Variants in HEPH observed in about 807,000 individuals in gnomAD.
The protein encoded by HEPH is hephaestin.
In HEPH, 69 loss-of-function variants were observed where a neutral mutation model predicts 80.8. The observed-to-expected ratio is 0.85, with a 90% CI of 0.70 to 1.04. The LOEUF (loss-of-function observed/expected upper bound fraction) is 1.04, where lower values mean the gene tolerates loss of function less well. Ranked by LOEUF, HEPH falls within the 50% of genes least tolerant of loss-of-function variation. The pLI, the probability that HEPH is intolerant of heterozygous loss-of-function variation, is 0.00. For missense variants in HEPH, 1,115 were observed against 891.3 expected, an observed-to-expected ratio of 1.25 and a Z score of -3.20; for synonymous variants, 431 against 322.8, an observed-to-expected ratio of 1.34 and a Z score of -3.60.
At chrX:66,253,351 A>G (rs369793736) in intron 15 of HEPH, among the ~76,000 whole-genome samples, 2 of 112,560 alleles carry the variant, frequency 1.8e-5, no homozygotes, top group South Asian at 3.6e-4. Context: ...TAAGCACAAG[A>G]GAAGATTCTC....
At chrX:66,177,571 C>T (rs952406929) in intron 4 of HEPH, among the ~76,000 whole-genome samples, 4 of 111,586 alleles carry the variant, frequency 3.6e-5, no homozygotes, top group Non-Finnish European at 5.7e-5. Flanking sequence ...AATATCTTAA[C>T]GTTTCATTTC....
At chrX:66,180,770 A>G (rs1434146670) in intron 4 of HEPH, among the ~76,000 whole-genome samples, 1 of 89,900 alleles carries the variant, frequency 1.1e-5, no homozygotes, top group African/African-American at 4.1e-5. Context: ...ATATGTATAC[A>G]TGTGCCATGC....
chrX:66,213,750 A>G (rs900962245), intron 15 of HEPH, among the ~76,000 whole-genome samples: 2 of 111,998 alleles, frequency 1.8e-5, no homozygotes, highest in African/African-American at 6.5e-5. Flanking sequence ...AGATGAAGTT[A>G]CAATAATTAA....
intron 19 of HEPH, among the ~76,000 whole-genome samples, chrX:66,261,622 G>A (rs1169232086): frequency 1.8e-5 from 2 of 109,393 alleles, no homozygotes; most frequent in Admixed American, 2.0e-4. Context: ...TCAGTCATTG[G>A]CATTCTATCA....
chrX:66,239,361 A>G (rs1311605437), intron 15 of HEPH, among the ~76,000 whole-genome samples: 5 of 111,408 alleles, frequency 4.5e-5, no homozygotes, highest in Non-Finnish European at 9.4e-5. Context: ...TCTTCCTTCC[A>G]TCTATTCTCA....
chrX:66,229,054 T>C (rs1314112569), intron 15 of HEPH, among the ~76,000 whole-genome samples: 1 of 112,065 alleles, frequency 8.9e-6, no homozygotes, highest in Non-Finnish European at 1.9e-5. Context: ...AAAGAAGTCA[T>C]TATACGAAAA....
intron 1 of HEPH, among the ~76,000 whole-genome samples, chrX:66,167,574 C>T (rs1412382186): frequency 8.9e-6 from 1 of 112,159 alleles, no homozygotes; most frequent in Non-Finnish European, 1.9e-5. Flanking sequence ...TTGGAATGAA[C>T]CGAGGACACT....
chrX:66,193,503 A>G lies in HEPH; in HGVS notation c.1234A>G (p.Ile412Val), dbSNP rs2087921852. 1.7e-6 allele frequency: 2 copies of G among 1,172,261 alleles called. No individual in the cohort carries two copies. The highest frequency in any genetic ancestry group is 2.3e-6 in the Non-Finnish European group (2 of 869,161). The change falls in exon 8 of 21, where the codon ATC becomes GTC. Residue 412 changes from isoleucine to valine, a missense_variant and splice_region_variant. By Grantham distance (29) the Ile-to-Val change is conservative. Around this residue, in one of 3 missense-constraint regions of HEPH, gnomAD observed 391 missense variants for 343.6 expected, o/e 1.14. Transcript: ENST00000343002. ...TGKNLREPGS[I>V]SDKFFQKSSS... ...CATATTTTCCTTTTTATACATCAGT[A>G]TCTCAGATAAGTTTTTCCAGAAGAG...
intron 12 of HEPH, among the ~76,000 whole-genome samples, chrX:66,202,259 A>T (rs755100511): frequency 9.0e-6 from 1 of 111,474 alleles, no homozygotes; most frequent in Non-Finnish European, 1.9e-5. Context: ...TGTGAGAGAA[A>T]CAGTCAGAGT....
At chrX:66,198,784 A>G in intron 10 of HEPH, 94 bp from the exon 11 acceptor site, 1 of 676,333 alleles carries the variant, frequency 1.5e-6, no homozygotes, top group Non-Finnish European at 2.3e-6. Flanking sequence ...GGAAATGGGA[A>G]AGAATCTGGC....
At chrX:66,234,500 C>T (rs1444650160) in intron 15 of HEPH, among the ~76,000 whole-genome samples, 1 of 111,227 alleles carries the variant, frequency 9.0e-6, no homozygotes, top group African/African-American at 3.3e-5. Context: ...ATACTGTTTT[C>T]CACCATGGTT....
At position 66,256,254 on chromosome X, in the gene HEPH, G is replaced by A. The variant is rs777407331; in HGVS notation, c.2820G>A (p.Val940=). 2 of 1,210,995 alleles carry A rather than the reference G, an allele frequency of 1.7e-6. No homozygotes were observed. Among genetic ancestry groups the A allele is most frequent in the East Asian group, 3.0e-5 (1 of 33,782 alleles). Residue 940 remains valine, a synonymous_variant, in exon 17 of 21, where the codon GTG becomes GTA. Transcript: ENST00000343002. Reference sequence around the variant, plus strand: ...AGTCTTGGTATTTGGAGGAAAATGTGGCAACCCATGGGTCCCAGGATCCAG... The same window carrying A: ...AGTCTTGGTATTTGGAGGAAAATGTAGCAACCCATGGGTCCCAGGATCCAG... ...ENKSWYLEEN[V]ATHGSQDPGS...
At chrX:66,237,307 C>CTGTAATG (rs2090401232) in intron 15 of HEPH, among the ~76,000 whole-genome samples, 3 of 111,514 alleles carry the variant, frequency 2.7e-5, no homozygotes, top group African/African-American at 9.8e-5. Flanking sequence ...TTAGCTGTGT[C>CTGTAATG]CCAGAGATTC....
At chrX:66,189,317 A>G (rs1479188803) in intron 5 of HEPH, among the ~76,000 whole-genome samples, 2 of 112,450 alleles carry the variant, frequency 1.8e-5, no homozygotes, top group African/African-American at 6.5e-5. Flanking sequence ...TCCTGTGGAA[A>G]TTTTTAGAAT....
At chrX:66,171,585 T>G (rs1207028752) in intron 2 of HEPH, among the ~76,000 whole-genome samples, 1 of 112,002 alleles carries the variant, frequency 8.9e-6, no homozygotes, top group Non-Finnish European at 1.9e-5. Flanking sequence ...TTGTAATATC[T>G]CTGAGTTCTC....
chrX:66,221,863 G>C (rs2089664331), intron 15 of HEPH, among the ~76,000 whole-genome samples: 1 of 112,311 alleles, frequency 8.9e-6, no homozygotes, highest in Non-Finnish European at 1.9e-5. Context: ...TAATTAATCT[G>C]GTATTCTCTG....
At chrX:66,235,761 G>A (rs1418117348) in intron 15 of HEPH, among the ~76,000 whole-genome samples, 4 of 111,914 alleles carry the variant, frequency 3.6e-5, no homozygotes, top group Admixed American at 9.5e-5. Flanking sequence ...GATAGGAATA[G>A]CATTGAATCT....
At chrX:66,224,094 T>A (rs1016495143) in intron 15 of HEPH, among the ~76,000 whole-genome samples, 1 of 110,182 alleles carries the variant, frequency 9.1e-6, no homozygotes, top group African/African-American at 3.3e-5. Context: ...CGCTTTTTTT[T>A]TTTTTTGAAG....
Position 66,260,234 on chromosome X carries a change from G to A in HEPH, c.3171G>A (p.Glu1057=). The A allele has an allele frequency of 8.3e-7, 1 of 1,208,047 alleles. No homozygotes were observed. Among genetic ancestry groups the A allele is most frequent in the Non-Finnish European group, 1.1e-6 (1 of 892,738 alleles). The change falls in exon 19 of 21, where the codon GAG becomes GAA. Residue 1057 remains glutamate, a synonymous_variant. Coordinates refer to ENST00000343002, the MANE Select transcript of HEPH (RefSeq NM_001367233.3). ...HVTDHVHAGM[E]TLFTVFSRTE... ...CTGACCATGTCCATGCTGGCATGGA[G>A]ACCCTCTTCACTGTTTTTTCTCGAA...
Sources: gnomAD v4.1 joint callset for allele counts (sites outside exome capture counted in the v4.1 genomes callset) on GRCh38, gnomAD v4.1.1 for gene constraint, gnomAD v4.1.1 regional missense constraint, MANE v1.5 for transcripts, NCBI Gene and HGNC (gene_info 2026-07-23, HGNC 2026-07-21) for gene names.